The following GTF2A1L variants were observed in gnomAD, a reference collection of about 807,000 sequenced individuals.
GTF2A1L encodes TFIIA-alpha and beta-like factor.
In GTF2A1L, 48 loss-of-function variants were observed where a neutral mutation model predicts 49.7. The ratio of observed to expected loss-of-function variants is 0.97; its 90% confidence interval spans 0.77 to 1.23. The LOEUF (loss-of-function observed/expected upper bound fraction) is 1.23, where lower values mean the gene tolerates loss of function less well. GTF2A1L is among the 50% of genes most tolerant of loss of function. The pLI, the probability that GTF2A1L is intolerant of heterozygous loss-of-function variation, is 0.00. For synonymous variants in GTF2A1L, 246 were observed against 193.5 expected (o/e 1.27, Z -2.25); for missense variants, 736 against 564.8 (o/e 1.30, Z -3.07).
chr2:48,665,720 T>C lies in GTF2A1L; in HGVS notation c.979-4002T>C, dbSNP rs186097942. Among the ~76,000 whole-genome samples the C allele has an allele frequency of 4.6e-4, 70 of 152,302 alleles. 1 individual carries two copies. Among genetic ancestry groups the C allele is most frequent in the Non-Finnish European group, 8.8e-4 (60 of 68,022 alleles). Reference sequence around the variant, plus strand: ...TTTAAATTTGTTAGGGTTTGTTTTATGTTTCAGAATATGGTTTATCTTGGC... The same window carrying C: ...TTTAAATTTGTTAGGGTTTGTTTTACGTTTCAGAATATGGTTTATCTTGGC... On this transcript the variant is annotated intron_variant, in intron 6 of 8. Coordinates refer to ENST00000403751, the MANE Select transcript of GTF2A1L (RefSeq NM_006872.5).
At chr2:48,645,751 C>G (rs534022274) in intron 5 of GTF2A1L, among the ~76,000 whole-genome samples, 3 of 152,148 alleles carry the variant, frequency 2.0e-5, no homozygotes, top group Non-Finnish European at 4.4e-5. Context: ...TGGGTTCACG[C>G]CATTCTCCTG....
intron 6 of GTF2A1L, 105 bp from the exon 7 acceptor site, chr2:48,669,617 G>C: frequency 1.4e-6 from 2 of 1,394,494 alleles, no homozygotes; most frequent in Non-Finnish European, 1.9e-6. Context: ...AGAGAAGTTT[G>C]CTTGAACTGA....
chr2:48,650,195 A>G (rs1180300124), intron 6 of GTF2A1L, among the ~76,000 whole-genome samples: 1 of 152,208 alleles, frequency 6.6e-6, no homozygotes. Context: ...ATCTAAGAAT[A>G]TATACACACT....
chr2:48,652,340 G>C (rs778769882), intron 6 of GTF2A1L, among the ~76,000 whole-genome samples: 8 of 152,156 alleles, frequency 5.3e-5, no homozygotes, highest in Non-Finnish European at 8.8e-5. Flanking sequence ...GCCAGGCCGG[G>C]CATGGTGGCT....
chr2:48,670,518 G>A (rs749839617), intron 7 of GTF2A1L, among the ~76,000 whole-genome samples: 1 of 152,178 alleles, frequency 6.6e-6, no homozygotes, highest in African/African-American at 2.4e-5. Flanking sequence ...GGCAATGGGA[G>A]TGGCTGTTAA....
intron 3 of GTF2A1L, among the ~76,000 whole-genome samples, chr2:48,635,440 G>C (rs1010787402): frequency 2.6e-5 from 4 of 151,974 alleles, no homozygotes; most frequent in Non-Finnish European, 2.9e-5. Context: ...TTTCTGCTTG[G>C]GGGGTGGAGC....
intron 8 of GTF2A1L, among the ~76,000 whole-genome samples, chr2:48,672,905 AC>A (rs1679249960): frequency 6.6e-6 from 1 of 152,030 alleles, no homozygotes; most frequent in Non-Finnish European, 1.5e-5. Flanking sequence ...TCAAAAAGAA[AC>A]CCCATACTTT....
chr2:48,621,214 C>G lies in GTF2A1L; in HGVS notation c.171C>G (p.Phe57Leu). ...AGTCTAAAGCAACAGAAGACTTCTT[C>G]AGAAATAGCATCCAATCACCTCTGT... ...VLQSKATEDF[F>L]RNSIQSPLFT... Residue 57 changes from phenylalanine to leucine, a missense_variant, in exon 3 of 9, where the codon TTC (phenylalanine) becomes TTG (leucine). By Grantham distance (22) the Phe-to-Leu change is conservative. Coordinates refer to ENST00000403751, the MANE Select transcript of GTF2A1L (RefSeq NM_006872.5). 1.2e-6 allele frequency: 2 copies of G among 1,614,040 alleles called. No individual in the cohort carries two copies. Among genetic ancestry groups the G allele is most frequent in the Non-Finnish European group, 1.7e-6 (2 of 1,179,988 alleles).
At chr2:48,626,387 AC>A (rs1282155055) in intron 3 of GTF2A1L, among the ~76,000 whole-genome samples, 4 of 142,414 alleles carry the variant, frequency 2.8e-5, no homozygotes, top group East Asian at 2.0e-4. Flanking sequence ...TGAATTTTAG[AC>A]TTTTTTTTGT....
intron 6 of GTF2A1L, among the ~76,000 whole-genome samples, chr2:48,666,305 A>G (rs1016353751): frequency 1.3e-5 from 2 of 151,840 alleles, no homozygotes; most frequent in African/African-American, 2.4e-5. Flanking sequence ...TTCCAGGTTC[A>G]AGCATTTCAC....
chr2:48,657,372 T>A (rs193008392), intron 6 of GTF2A1L, among the ~76,000 whole-genome samples: 3 of 152,354 alleles, frequency 2.0e-5, no homozygotes, highest in African/African-American at 7.2e-5. Flanking sequence ...TTTCTGTTCC[T>A]GTGTTAATTC....
At chr2:48,670,248 G>T (rs115816340) in intron 7 of GTF2A1L, among the ~76,000 whole-genome samples, 1 of 150,488 alleles carries the variant, frequency 6.6e-6, no homozygotes, top group East Asian at 1.9e-4. Context: ...ACAAAAATTA[G>T]CAGGGCATGG....
chr2:48,623,231 T>C lies in GTF2A1L; in HGVS notation c.247+1941T>C, dbSNP rs1483677762. 2.0e-5 allele frequency among the ~76,000 whole-genome samples: 3 copies of C among 152,234 alleles called. No homozygotes were observed. In the South Asian group the frequency reaches 6.2e-4, roughly 32 times the overall value. ...ATTATATCTTCTCATGGTATGCTTT[T>C]AAAAGCCTGATTAAAATAACTTAAA... On this transcript the variant is annotated intron_variant, in intron 3 of 8. Coordinates refer to ENST00000403751, the MANE Select transcript of GTF2A1L (RefSeq NM_006872.5).
At position 48,644,121 on chromosome 2, in the gene GTF2A1L, T is replaced by C. The variant is rs561105150; in HGVS notation, c.304-912T>C. 4.6e-5 allele frequency among the ~76,000 whole-genome samples: 7 copies of C among 152,294 alleles called. No homozygotes were observed. In the East Asian group the frequency reaches 1.2e-3, roughly 25 times the overall value. On this transcript the variant is annotated intron_variant, in intron 4 of 8. Transcript: ENST00000403751. ...CGTAATTGGAGATTACAGTGAGTTA[T>C]GATTGCACCACTGCTCTTCAGCCTG...
intron 6 of GTF2A1L, chr2:48,647,268 G>A (rs1041450981): frequency 2.4e-6 from 1 of 416,190 alleles, no homozygotes; most frequent in East Asian, 3.9e-5. Context: ...GTACAGATCA[G>A]TAGTGTTATA....
chr2:48,660,095 T>TG (rs59647970), intron 6 of GTF2A1L, among the ~76,000 whole-genome samples: 140,531 of 152,062 alleles, frequency 0.92, 65,137 homozygotes, highest in African/African-American at 0.98. Flanking sequence ...TCAGTATGAT[T>TG]TTTTTTTTAT....
At chr2:48,673,410 T>C (rs1679281791) in intron 8 of GTF2A1L, among the ~76,000 whole-genome samples, 1 of 141,496 alleles carries the variant, frequency 7.1e-6, no homozygotes, top group Non-Finnish European at 1.5e-5. Context: ...TCGCCCAGGC[T>C]GGAGTGTAGT....
chr2:48,679,500 G>A lies in GTF2A1L; in HGVS notation c.*58G>A. The A allele has an allele frequency of 8.2e-6, 13 of 1,593,148 alleles. No individual in the cohort carries two copies. Among genetic ancestry groups the A allele is most frequent in the Non-Finnish European group, 1.1e-5 (13 of 1,173,404 alleles). On this transcript the variant is annotated 3_prime_UTR_variant, in exon 9 of 9. Coordinates refer to ENST00000403751, the MANE Select transcript of GTF2A1L (RefSeq NM_006872.5). The stretch of plus-strand genomic sequence containing the variant: ...CATCAGTTGGATTATATTGCATATT[G>A]TGAATTCATTTTTATTTTGAATATA...
At chr2:48,679,175 A>G (rs1247932822) in intron 8 of GTF2A1L, among the ~76,000 whole-genome samples, 160 bp from the exon 9 acceptor site, 2 of 152,064 alleles carry the variant, frequency 1.3e-5, no homozygotes, top group African/African-American at 4.8e-5. Context: ...AACACATAGG[A>G]ACTCAAATGT....
Sources: gnomAD v4.1 joint callset for allele counts (sites outside exome capture counted in the v4.1 genomes callset) on GRCh38, gnomAD v4.1.1 for gene constraint, MANE v1.5 for transcripts, NCBI Gene and HGNC (gene_info 2026-07-23, HGNC 2026-07-21) for gene names.